CCDC91: variants seen among roughly 807,000 people sequenced by gnomAD.
CCDC91 encodes the protein coiled-coil domain containing 91.
In CCDC91, 48 loss-of-function variants were observed where a neutral mutation model predicts 63.2. The observed-to-expected ratio is 0.76, with a 90% CI of 0.60 to 0.97. The LOEUF (loss-of-function observed/expected upper bound fraction) is 0.97, where lower values mean the gene tolerates loss of function less well. CCDC91 is among the 50% of genes least tolerant of loss of function. The pLI, the probability that CCDC91 is intolerant of heterozygous loss-of-function variation, is 0.00. For missense variants in CCDC91, 500 were observed against 494.6 expected (o/e 1.01, Z -0.10); for synonymous variants, 167 against 165.8 (o/e 1.01, Z -0.06).
At chr12:28,446,885 A>T (rs543445414) in intron 8 of CCDC91, among the ~76,000 whole-genome samples, 7 of 152,374 alleles carry the variant, frequency 4.6e-5, no homozygotes, top group African/African-American at 1.7e-4. Context: ...AGTAGCAGAT[A>T]CAAAGTATTT....
chr12:28,540,482 A>G (rs1010390666), intron 12 of CCDC91, among the ~76,000 whole-genome samples: 3 of 152,150 alleles, frequency 2.0e-5, no homozygotes, highest in Non-Finnish European at 4.4e-5. Flanking sequence ...CAAAACAGAT[A>G]TTGTGCCAAG....
At chr12:28,418,628 T>C (rs11049588) in intron 8 of CCDC91, among the ~76,000 whole-genome samples, 30,678 of 152,062 alleles carry the variant, frequency 0.2, 4,063 homozygotes, top group Non-Finnish European at 0.3. Context: ...ATTATGTTAA[T>C]GGCAGATTAA....
chr12:28,522,216 T>C (rs1337814441), intron 12 of CCDC91, among the ~76,000 whole-genome samples: 1 of 152,186 alleles, frequency 6.6e-6, no homozygotes, highest in Non-Finnish European at 1.5e-5. Flanking sequence ...TTGTTTTTGG[T>C]TGGTAAACTA....
chr12:28,424,102 T>C (rs969549374), intron 8 of CCDC91, among the ~76,000 whole-genome samples: 3 of 152,080 alleles, frequency 2.0e-5, no homozygotes, highest in African/African-American at 7.2e-5. Context: ...TAAATTTTTA[T>C]TTATCTTTGT....
chr12:28,247,479 C>CAA (rs71039885), intron 1 of CCDC91, among the ~76,000 whole-genome samples: 4 of 91,926 alleles, frequency 4.4e-5, no homozygotes, highest in Admixed American at 1.1e-4. Flanking sequence ...GACTCCGTCT[C>CAA]AAAAAAAAAA....
intron 11 of CCDC91, among the ~76,000 whole-genome samples, chr12:28,456,881 G>A (rs1282393376): frequency 6.6e-6 from 1 of 152,014 alleles, no homozygotes; most frequent in Non-Finnish European, 1.5e-5. Flanking sequence ...GGATTAATAA[G>A]CATATAGTTG....
intron 12 of CCDC91, among the ~76,000 whole-genome samples, chr12:28,503,911 A>G (rs1938333102): frequency 6.6e-6 from 1 of 151,948 alleles, no homozygotes; most frequent in Admixed American, 6.6e-5. Flanking sequence ...CAGGAAGAGG[A>G]ACATCACACT....
intron 6 of CCDC91, among the ~76,000 whole-genome samples, chr12:28,350,639 TTC>T (rs1943118751): frequency 6.6e-6 from 1 of 152,198 alleles, no homozygotes; most frequent in South Asian, 2.1e-4. Flanking sequence ...AGGAAATCTA[TTC>T]TCTCACAGTT....
rs148544974 is a variant in CCDC91, at chr12:28,355,566, G to A, written c.577-6872G>A. Among the ~76,000 whole-genome samples the A allele has an allele frequency of 3.1e-3, 477 of 152,160 alleles. 1 individual carries two copies. The highest frequency in any genetic ancestry group is 0.011 in the African/African-American group (448 of 41,522). On this transcript the variant is annotated intron_variant, in intron 6 of 12. Transcript: ENST00000536442. ...TTAGTGTGACCTGTTTATTCATTCC[G>A]CTTTGGCTCACCACCAATTTCTTTC...
At chr12:28,389,464 T>C (rs979013543) in intron 7 of CCDC91, among the ~76,000 whole-genome samples, 3 of 152,140 alleles carry the variant, frequency 2.0e-5, no homozygotes, top group Non-Finnish European at 4.4e-5. Context: ...TTGGCTCTTA[T>C]TTTACTCATT....
intron 11 of CCDC91, among the ~76,000 whole-genome samples, chr12:28,464,165 A>G (rs551709072): frequency 8.5e-5 from 13 of 152,298 alleles, no homozygotes; most frequent in Admixed American, 4.6e-4. Flanking sequence ...CCAGAGGGGA[A>G]TCACTGATCC....
At chr12:28,478,144 G>A (rs1019827629) in intron 11 of CCDC91, among the ~76,000 whole-genome samples, 35 of 152,134 alleles carry the variant, frequency 2.3e-4, no homozygotes, top group Admixed American at 1.6e-3. Flanking sequence ...AAAAGAGCCC[G>A]CATTGCCAAG....
At position 28,362,328 on chromosome 12, in the gene CCDC91, G is replaced by A. The variant is rs907781616; in HGVS notation, c.577-110G>A. 4.7e-5 allele frequency: 27 copies of A among 577,090 alleles called. No individual in the cohort carries two copies. The African/African-American group carries it at 4.8e-4, about 10-fold the overall frequency. The allele number at this position is 577,090 out of a possible 1,614,324, so 35.7% of individuals were successfully genotyped here. ...CTTTGTTTCCAGCTGTAGCATTGATGTGCCACAAACCACTGAATCATTCGT... is the reference window on the plus strand; with the variant it reads ...CTTTGTTTCCAGCTGTAGCATTGATATGCCACAAACCACTGAATCATTCGT... On this transcript the variant is annotated intron_variant, in intron 6 of 12. Coordinates refer to ENST00000536442, the MANE Select transcript of CCDC91 (RefSeq NM_018318.5).
At chr12:28,192,466 A>G (rs868132688) in intron 1 of CCDC91, among the ~76,000 whole-genome samples, 2 of 152,174 alleles carry the variant, frequency 1.3e-5, no homozygotes, top group African/African-American at 4.8e-5. Flanking sequence ...TCCTTTGTCA[A>G]CCTGTTCCTT....
chr12:28,364,589 A>G (rs1056820910), intron 7 of CCDC91, among the ~76,000 whole-genome samples: 1 of 152,214 alleles, frequency 6.6e-6, no homozygotes, highest in African/African-American at 2.4e-5. Flanking sequence ...TTAAAATACA[A>G]TTGGCCTAAT....
At chr12:28,468,246 C>T (rs1386462177) in intron 11 of CCDC91, among the ~76,000 whole-genome samples, 2 of 150,638 alleles carry the variant, frequency 1.3e-5, no homozygotes, top group East Asian at 3.9e-4. Context: ...AAAAAGGAGA[C>T]ACTACATCTG....
chr12:28,498,942 A>G (rs1433188281), intron 12 of CCDC91, among the ~76,000 whole-genome samples: 2 of 151,700 alleles, frequency 1.3e-5, no homozygotes, highest in Non-Finnish European at 3.0e-5. Flanking sequence ...TATTCTCAGT[A>G]TCTAGAATAA....
At chr12:28,314,787 A>G (rs1488318276) in intron 6 of CCDC91, among the ~76,000 whole-genome samples, 1 of 151,978 alleles carries the variant, frequency 6.6e-6, no homozygotes, top group Non-Finnish European at 1.5e-5. Flanking sequence ...TTAGTAGTAT[A>G]TTTTAGATTA....
chr12:28,375,855 AG>A (rs778846515), intron 7 of CCDC91, among the ~76,000 whole-genome samples: 10 of 151,922 alleles, frequency 6.6e-5, no homozygotes. Flanking sequence ...TCTCCATCAA[AG>A]ATTACCATCT....
Sources: allele counts gnomAD v4.1 joint callset (sites outside exome capture counted in the v4.1 genomes callset), GRCh38; gene constraint gnomAD v4.1.1; transcripts MANE v1.5; gene names NCBI Gene and HGNC (gene_info 2026-07-23, HGNC 2026-07-21).